CALCR: variants seen among roughly 807,000 people sequenced by gnomAD.
CALCR encodes the protein calcitonin receptor.
Under a neutral mutation model 59.5 loss-of-function variants are expected in CALCR, and 47 were observed. The ratio of observed to expected loss-of-function variants is 0.79; its 90% CI spans 0.63 to 1.01. CALCR has a LOEUF of 1.01. Ranked by LOEUF, CALCR falls within the 50% of genes least tolerant of loss-of-function variation. CALCR has a pLI of 0.00. For synonymous variants in CALCR, 213 were observed against 211.3 expected, an observed-to-expected ratio of 1.01 and a Z score of -0.07; for missense variants, 566 against 597.1, an observed-to-expected ratio of 0.95 and a Z score of 0.54.
Position 93,477,671 on chromosome 7 carries a change from G to A in CALCR, c.206-3C>T, listed in dbSNP as rs150314891. 1,020 of 1,584,548 alleles carry A rather than the reference G, an allele frequency of 6.4e-4. 11 individuals are homozygous for A. In the African/African-American group the frequency reaches 0.013, roughly 19 times the overall value. On this transcript the variant is annotated splice_region_variant and splice_polypyrimidine_tract_variant and intron_variant, in intron 4 of 13. Transcript: ENST00000426151. ...CCAGGTGCGATTGCAATATGGACCT[G>A]GCCATTTAGAAGGAAATTGATATTG...
intron 2 of CALCR, among the ~76,000 whole-genome samples, chr7:93,570,923 G>A (rs1264089753): frequency 3.9e-5 from 6 of 152,110 alleles, no homozygotes; most frequent in Non-Finnish European, 7.4e-5. Flanking sequence ...AAGTATTGAG[G>A]AACAGATACT....
chr7:93,559,065 C>CA (rs1353943756), intron 2 of CALCR, among the ~76,000 whole-genome samples: 12 of 151,564 alleles, frequency 7.9e-5, no homozygotes, highest in African/African-American at 2.9e-4. Flanking sequence ...CAAATAACAA[C>CA]AACAAAAAAA....
At chr7:93,441,753 T>A (rs757224045) in intron 9 of CALCR, among the ~76,000 whole-genome samples, 13 of 152,028 alleles carry the variant, frequency 8.6e-5, no homozygotes, top group Non-Finnish European at 1.5e-4. Context: ...GATGAGGTGA[T>A]CTGGTGAATA....
At chr7:93,451,596 G>A (rs1377884838) in intron 8 of CALCR, among the ~76,000 whole-genome samples, 1 of 151,854 alleles carries the variant, frequency 6.6e-6, no homozygotes, top group Non-Finnish European at 1.5e-5. Flanking sequence ...ACAAAAAAAT[G>A]ATGGAAAGGG....
At chr7:93,445,432 A>G (rs1799989806) in intron 8 of CALCR, among the ~76,000 whole-genome samples, 1 of 152,094 alleles carries the variant, frequency 6.6e-6, no homozygotes, top group African/African-American at 2.4e-5. Context: ...GGGGAGAAGG[A>G]GATGGGAAGA....
chr7:93,473,446 G>A (rs1800598878), intron 5 of CALCR, among the ~76,000 whole-genome samples: 1 of 151,758 alleles, frequency 6.6e-6, no homozygotes, highest in South Asian at 2.1e-4. Context: ...CTGTGGCAAT[G>A]TGCCAACTGG....
At position 93,492,094 on chromosome 7, in the gene CALCR, C is replaced by T. The variant is rs537790898; in HGVS notation, c.-26-5087G>A. 3.3e-5 allele frequency among the ~76,000 whole-genome samples: 5 copies of T among 151,148 alleles called. No homozygotes were observed. The East Asian group carries it at 9.8e-4, about 30-fold the overall frequency. ...CCATAAAAAGGAATGAGCTCATATC[C>T]CTGCAAAGGATGAAGCTGAAAGCCA... On this transcript the variant is annotated intron_variant, in intron 2 of 13. Transcript: ENST00000426151.
At chr7:93,458,660 G>A (rs1403747508) in intron 8 of CALCR, among the ~76,000 whole-genome samples, 1 of 152,100 alleles carries the variant, frequency 6.6e-6, no homozygotes, top group Admixed American at 6.6e-5. Flanking sequence ...GCCATAGGCT[G>A]GCCGTGTCCT....
At chr7:93,488,489 G>A in intron 2 of CALCR, among the ~76,000 whole-genome samples, 1 of 145,386 alleles carries the variant, frequency 6.9e-6, no homozygotes, top group East Asian at 2.2e-4. Context: ...AGGACCCATT[G>A]ATGTGCTATA....
In CALCR at chr7:93,426,196, C is replaced by A; in HGVS notation, c.*160G>T. On this transcript the variant is annotated 3_prime_UTR_variant, in exon 14 of 14. Coordinates refer to ENST00000426151, the MANE Select transcript of CALCR (RefSeq NM_001742.4). ...AGACTGTCTCCCAAAGCAACAGTAC[C>A]AAGAATAACTTTCTTCAGATTTACA... is the stretch of plus-strand genomic sequence containing the variant. 1.7e-6 allele frequency: 1 copy of A among 582,744 alleles called. No individual in the cohort carries two copies. The highest frequency in any genetic ancestry group is 3.0e-6 in the Non-Finnish European group (1 of 328,316). The allele number at this position is 582,744 out of a possible 1,614,324, so 36.1% of individuals were successfully genotyped here.
chr7:93,438,675 T>G (rs1278731865), intron 9 of CALCR, among the ~76,000 whole-genome samples: 1 of 152,200 alleles, frequency 6.6e-6, no homozygotes, highest in Non-Finnish European at 1.5e-5. Flanking sequence ...TGGGACGGTG[T>G]ATGAAAGCAA....
intron 11 of CALCR, among the ~76,000 whole-genome samples, chr7:93,437,083 A>T (rs1485457425): frequency 6.6e-6 from 1 of 152,062 alleles, no homozygotes; most frequent in Non-Finnish European, 1.5e-5. Flanking sequence ...TGAAATTAAT[A>T]AGAATTCCAA....
intron 8 of CALCR, among the ~76,000 whole-genome samples, chr7:93,457,797 G>A (rs58553703): frequency 0.062 from 9,435 of 152,134 alleles, 939 homozygotes; most frequent in African/African-American, 0.21. Flanking sequence ...TATAGGCGGC[G>A]ATCACTTCGG....
intron 2 of CALCR, among the ~76,000 whole-genome samples, chr7:93,500,550 C>T (rs1801301066): frequency 6.6e-6 from 1 of 151,876 alleles, no homozygotes. Flanking sequence ...TCTGCCTCTC[C>T]CCCATAACCT....
At chr7:93,472,619 G>A (rs1007228753) in intron 5 of CALCR, 132 bp from the exon 6 acceptor site, 15 of 615,372 alleles carry the variant, frequency 2.4e-5, no homozygotes, top group Admixed American at 1.1e-4. Flanking sequence ...TATGTCAGTA[G>A]AGACTATCAC....
chr7:93,558,128 C>CTT (rs532827246), intron 2 of CALCR, among the ~76,000 whole-genome samples: 20 of 140,870 alleles, frequency 1.4e-4, no homozygotes, highest in African/African-American at 2.3e-4. Context: ...TTTTTAACAC[C>CTT]TTTTTTTTTT....
At chr7:93,495,775 T>C in intron 2 of CALCR, 1 of 816,642 alleles carries the variant, frequency 1.2e-6, no homozygotes, top group Non-Finnish European at 2.0e-6. Context: ...ACCAGATCAA[T>C]GTGGAGCCTA....
rs118137861 is a variant in CALCR at position 93,426,032 on chromosome 7, T to G, written c.*324A>C. On this transcript the variant is annotated 3_prime_UTR_variant, in exon 14 of 14. Coordinates refer to ENST00000426151, the MANE Select transcript of CALCR (RefSeq NM_001742.4). Reference sequence around the variant, plus strand: ...TTCAAAGGTATAAATGGCTCAGTATTGACAAGGAGCACCCTGTATCTGAAC... The same window carrying G: ...TTCAAAGGTATAAATGGCTCAGTATGGACAAGGAGCACCCTGTATCTGAAC... 5.2e-3 allele frequency: 1,100 copies of G among 209,700 alleles called. 57 individuals are homozygous for G. The East Asian group carries it at 0.11, about 20-fold the overall frequency. The allele number at this position is 209,700 out of a possible 1,614,324, so 13.0% of individuals were successfully genotyped here.
intron 3 of CALCR, among the ~76,000 whole-genome samples, chr7:93,485,253 A>T (rs114227018): frequency 6.6e-6 from 1 of 151,652 alleles, no homozygotes; most frequent in Non-Finnish European, 1.5e-5. Flanking sequence ...TGCCCTGTTC[A>T]GTTATGCTTG....
Sources: gnomAD v4.1 joint callset for allele counts (sites outside exome capture counted in the v4.1 genomes callset) on GRCh38, gnomAD v4.1.1 for gene constraint, MANE v1.5 for transcripts, NCBI Gene and HGNC (gene_info 2026-07-23, HGNC 2026-07-21) for gene names.